BATF3: variants seen among roughly 807,000 people sequenced by gnomAD.
BATF3 encodes the protein basic leucine zipper ATF-like transcription factor 3, also known as basic leucine zipper transcriptional factor ATF-like 3.
A neutral mutation model predicts 16.1 loss-of-function variants in BATF3; 8 were observed. The observed-to-expected ratio is 0.50, with a 90% CI of 0.29 to 0.90. BATF3 has a LOEUF of 0.90. Among genes scored for constraint, BATF3 ranks in the 40% least tolerant of loss-of-function variants. BATF3 has a pLI of 0.08. For synonymous variants in BATF3, 74 were observed against 72.7 expected, an observed-to-expected ratio of 1.02 and a Z score of -0.09; for missense variants, 139 against 167.0, an observed-to-expected ratio of 0.83 and a Z score of 0.92.
chr1:212,695,586 C>T (rs1052607395), intron 2 of BATF3, among the ~76,000 whole-genome samples: 5 of 149,524 alleles, frequency 3.3e-5, no homozygotes, highest in Non-Finnish European at 4.4e-5. Context: ...GAGGCTGCAG[C>T]GAGCCATGAT....
chr1:212,687,056 C>T (rs1279633074), intron 2 of BATF3, 77 bp from the exon 3 acceptor site: 2 of 919,916 alleles, frequency 2.2e-6, no homozygotes, highest in Non-Finnish European at 3.6e-6. Flanking sequence ...GCGCTGTTCA[C>T]CTCTTGCCCA....
At chr1:212,691,413 C>T in intron 2 of BATF3, among the ~76,000 whole-genome samples, 1 of 152,170 alleles carries the variant, frequency 6.6e-6, no homozygotes, top group East Asian at 1.9e-4. Flanking sequence ...AACAATTCTG[C>T]TTTTAGTTAG....
At chr1:212,690,786 C>G (rs369226687) in intron 2 of BATF3, among the ~76,000 whole-genome samples, 1 of 152,136 alleles carries the variant, frequency 6.6e-6, no homozygotes, top group African/African-American at 2.4e-5. Context: ...GGGTATTTGT[C>G]GGGACAGTTT....
intron 2 of BATF3, among the ~76,000 whole-genome samples, chr1:212,691,989 G>C (rs1326103714): frequency 1.3e-5 from 2 of 152,250 alleles, no homozygotes; most frequent in African/African-American, 4.8e-5. Flanking sequence ...GAGGTCTACA[G>C]ACACACGTTA....
At chr1:212,687,012 G>A (rs760643698) in intron 2 of BATF3, 33 bp from the exon 3 acceptor site, 1 of 1,389,308 alleles carries the variant, frequency 7.2e-7, no homozygotes, top group African/African-American at 1.4e-5. Flanking sequence ...AATCATTTCT[G>A]GTGCAGCGTT....
chr1:212,692,905 G>C (rs1657035799), intron 2 of BATF3, among the ~76,000 whole-genome samples: 5 of 152,230 alleles, frequency 3.3e-5, no homozygotes, highest in African/African-American at 1.2e-4. Context: ...CAGTCTCCAG[G>C]GAGCAGCAGG....
chr1:212,695,989 C>T (rs985941604), intron 2 of BATF3, among the ~76,000 whole-genome samples: 8 of 152,086 alleles, frequency 5.3e-5, no homozygotes, highest in Middle Eastern at 3.2e-3. Context: ...TGTGGTACAT[C>T]ACAGGAGCCT....
intron 2 of BATF3, among the ~76,000 whole-genome samples, chr1:212,693,106 G>A (rs181186794): frequency 1.0e-3 from 159 of 152,304 alleles, no homozygotes; most frequent in Non-Finnish European, 1.9e-3. Flanking sequence ...TCAACTCACT[G>A]GAGCTTGACA....
chr1:212,686,899 T>C lies in BATF3; in HGVS notation c.276A>G (p.Thr92=), dbSNP rs1656862262. 6.2e-7 allele frequency: 1 copy of C among 1,614,196 alleles called. No homozygotes were observed. The highest frequency in any genetic ancestry group is 8.5e-7 in the Non-Finnish European group (1 of 1,180,036). Residue 92 remains threonine (T), a synonymous_variant, in exon 3 of 3, where the codon ACA becomes ACG. Coordinates refer to ENST00000243440, the MANE Select transcript of BATF3 (RefSeq NM_018664.3). ...TCTTCTCGTGCTCCTTCAGTGCCTCTGTCAGGTGCTTCAGCTCCTCTGTCA... is the reference window on the plus strand; with the variant it reads ...TCTTCTCGTGCTCCTTCAGTGCCTCCGTCAGGTGCTTCAGCTCCTCTGTCA... The part of the protein sequence containing the change: ...GKLTEELKHL[T]EALKEHEKMC...
chr1:212,686,876 T>A lies in BATF3; in HGVS notation c.299A>T (p.Lys100Met). The change falls in exon 3 of 3, where the codon AAG (lysine) becomes ATG (methionine). Residue 100 changes from lysine (K) to methionine (M), a missense_variant. Lys to Met is a moderately conservative substitution (Grantham distance 95). Transcript: ENST00000243440. ...AGGGCAGAGCAGCAGCGGGCACATC[T>A]TCTCGTGCTCCTTCAGTGCCTCTGT... ...HLTEALKEHE[K>M]MCPLLLCPMN... The A allele has an allele frequency of 6.2e-7, 1 of 1,614,238 alleles. No individual in the cohort carries two copies. Among genetic ancestry groups the A allele is most frequent in the Non-Finnish European group, 8.5e-7 (1 of 1,180,038 alleles).
intron 2 of BATF3, among the ~76,000 whole-genome samples, chr1:212,695,515 A>C (rs1299631708): frequency 6.0e-5 from 9 of 148,848 alleles, no homozygotes; most frequent in South Asian, 2.1e-4. Context: ...AAAAAAAAAA[A>C]AACCTACAAA....
intron 2 of BATF3, among the ~76,000 whole-genome samples, chr1:212,693,701 G>A (rs1657057853): frequency 6.6e-6 from 1 of 152,182 alleles, no homozygotes; most frequent in Non-Finnish European, 1.5e-5. Context: ...TCAGATAGGG[G>A]TAAAGGTGGC....
chr1:212,699,701 T>A lies in BATF3; in HGVS notation c.62A>T (p.Asn21Ile). The change falls in exon 1 of 3, where the codon AAC (asparagine) becomes ATC (isoleucine). Residue 21 changes from asparagine to isoleucine, a missense_variant. By Grantham distance (149) the Asn-to-Ile change is moderately radical (BLOSUM62 -3). Coordinates refer to ENST00000243440, the MANE Select transcript of BATF3 (RefSeq NM_018664.3). This position sits in a 1 kb window ranked among gnomAD's most constrained non-coding sequence, Gnocchi z 4.4. ...CTGCTGCGGCTGCGGCTGCGGCTGG[T>A]TCCCGGGCGCCGCGACGCTCCTCTG... ...VLQRSVAAPG[N>I]QPQPQPQQQS... 1 of 1,346,074 alleles carries A rather than the reference T, an allele frequency of 7.4e-7. No homozygotes were observed. The highest frequency in any genetic ancestry group is 9.6e-7 in the Non-Finnish European group (1 of 1,044,350). 83.4% of individuals were successfully genotyped at this position (1,346,074 alleles called of 1,614,324 possible).
intron 2 of BATF3, among the ~76,000 whole-genome samples, chr1:212,692,863 G>C (rs1197467836): frequency 1.3e-5 from 2 of 152,264 alleles, no homozygotes; most frequent in African/African-American, 4.8e-5. Context: ...GTGGGATAGA[G>C]GAACACATGA....
At chr1:212,692,500 T>C (rs917189674) in intron 2 of BATF3, among the ~76,000 whole-genome samples, 11 of 152,092 alleles carry the variant, frequency 7.2e-5, no homozygotes, top group African/African-American at 2.7e-4. Flanking sequence ...TGCAGTGGCG[T>C]GATCTCGGCT....
chr1:212,690,544 G>C (rs752637582), intron 2 of BATF3, among the ~76,000 whole-genome samples: 1 of 152,180 alleles, frequency 6.6e-6, no homozygotes, highest in Non-Finnish European at 1.5e-5. Flanking sequence ...ATAACAAGAG[G>C]AGCTGGGAGG....
rs556956746 is a variant in BATF3 at position 212,689,444 on chromosome 1, G to T, written c.196-2465C>A. On this transcript the variant is annotated intron_variant, in intron 2 of 2. Transcript: ENST00000243440. This position sits in a 1 kb window ranked among gnomAD's most constrained non-coding sequence, Gnocchi z 4.6. ...GGGCAGCAAGCTGTTCTGGGGCCAT[G>T]TGGCTTCACCAGTACACTGGCCCCA... Among the ~76,000 whole-genome samples, 1 of 152,180 alleles carries T rather than the reference G, an allele frequency of 6.6e-6. No homozygotes were observed. The highest frequency in any genetic ancestry group is 1.5e-5 in the Non-Finnish European group (1 of 68,026).
At chr1:212,692,874 A>G (rs1657034097) in intron 2 of BATF3, among the ~76,000 whole-genome samples, 1 of 152,258 alleles carries the variant, frequency 6.6e-6, no homozygotes. Context: ...GAACACATGA[A>G]GAAAGCCCTT....
rs1656860289 is a variant in BATF3, at chr1:212,686,815, A to G, written c.360T>C (p.Pro120=). The change falls in exon 3 of 3, where the codon CCT becomes CCC. Residue 120 remains proline (P), a synonymous_variant. Coordinates refer to ENST00000243440, the MANE Select transcript of BATF3 (RefSeq NM_018664.3). ...TTCATCGGGGCAAGCAGCCGGCCAC[A>G]GGGTCCGGCCGGGGAGGCACTGGCA... The part of the protein sequence containing the change: ...NFVPVPPRPD[P]VAGCLPR 2 of 1,612,800 alleles carry G rather than the reference A, an allele frequency of 1.2e-6. No homozygotes were observed. Among genetic ancestry groups the G allele is most frequent in the Non-Finnish European group, 8.5e-7 (1 of 1,179,128 alleles).
Sources: gnomAD v4.1 joint callset for allele counts (sites outside exome capture counted in the v4.1 genomes callset) on GRCh38, gnomAD v4.1.1 for gene constraint, Gnocchi (gnomAD v3.1) non-coding constraint, MANE v1.5 for transcripts, NCBI Gene and HGNC (gene_info 2026-07-23, HGNC 2026-07-21) for gene names.